The following GRIN2A variants were observed in gnomAD, a reference collection of about 807,000 sequenced individuals.
GRIN2A encodes the protein glutamate ionotropic receptor NMDA type subunit 2A, also known as glutamate receptor ionotropic, NMDA 2A.
Under a neutral mutation model 113.4 loss-of-function variants are expected in GRIN2A, and 22 were observed. The ratio of observed to expected loss-of-function variants is 0.19; its 90% CI spans 0.14 to 0.28. GRIN2A has a LOEUF of 0.28. Among genes scored for constraint, GRIN2A ranks in the 10% least tolerant of loss-of-function variants. The pLI is 1.00. For synonymous variants in GRIN2A, 827 were observed against 738.4 expected (o/e 1.12, Z -1.94); for missense variants, 1,502 against 1,887.0 (o/e 0.80, Z 3.78).
chr16:10,040,613 CACA>C (rs2047146977), intron 2 of GRIN2A, among the ~76,000 whole-genome samples: 2 of 151,814 alleles, frequency 1.3e-5, no homozygotes, highest in South Asian at 2.1e-4. Flanking sequence ...ACACCACATT[CACA>C]ACTACGCACA....
chr16:9,954,493 G>A (rs957955620), intron 2 of GRIN2A, among the ~76,000 whole-genome samples: 1 of 152,158 alleles, frequency 6.6e-6, no homozygotes, highest in South Asian at 2.1e-4. Context: ...CCAGAACAGA[G>A]CTTATTAAAA....
At chr16:10,066,344 T>A (rs1053449069) in intron 2 of GRIN2A, among the ~76,000 whole-genome samples, 3 of 152,168 alleles carry the variant, frequency 2.0e-5, no homozygotes, top group African/African-American at 7.2e-5. Context: ...ATCGTGTCCT[T>A]CTGGAAACAT....
At chr16:10,177,059 T>G (rs2050163441) in intron 2 of GRIN2A, among the ~76,000 whole-genome samples, 1 of 152,226 alleles carries the variant, frequency 6.6e-6, no homozygotes, top group Admixed American at 6.5e-5. Context: ...AGGTTGAGGC[T>G]GTAGTCATAA....
At chr16:9,919,105 G>A (rs554921057) in intron 3 of GRIN2A, among the ~76,000 whole-genome samples, 32 of 152,204 alleles carry the variant, frequency 2.1e-4, no homozygotes, top group African/African-American at 7.5e-4. Context: ...CCCGGGAGGC[G>A]GAGGTTGCAG....
intron 2 of GRIN2A, among the ~76,000 whole-genome samples, chr16:10,150,215 A>C (rs1156683510): frequency 2.0e-5 from 3 of 152,240 alleles, no homozygotes; most frequent in Non-Finnish European, 2.9e-5. Context: ...GTATGTAAAG[A>C]GGCAGCTTTT....
chr16:9,878,890 T>G (rs1442355736), intron 4 of GRIN2A, among the ~76,000 whole-genome samples: 2 of 151,646 alleles, frequency 1.3e-5, no homozygotes, highest in African/African-American at 4.8e-5. Flanking sequence ...CACACACAGT[T>G]GCACACACAC....
At chr16:10,073,145 G>C (rs1263743498) in intron 2 of GRIN2A, among the ~76,000 whole-genome samples, 1 of 151,752 alleles carries the variant, frequency 6.6e-6, no homozygotes, top group Non-Finnish European at 1.5e-5. Context: ...TAGTAGAGAT[G>C]GGGTTTCACC....
chr16:9,955,683 C>G (rs1164036188), intron 2 of GRIN2A, among the ~76,000 whole-genome samples: 3 of 152,180 alleles, frequency 2.0e-5, no homozygotes, highest in East Asian at 3.8e-4. Context: ...TTTTGTCTTA[C>G]TAATCACTAT....
chr16:10,106,835 G>A (rs2048509812), intron 2 of GRIN2A, among the ~76,000 whole-genome samples: 1 of 152,204 alleles, frequency 6.6e-6, no homozygotes, highest in Non-Finnish European at 1.5e-5. Flanking sequence ...TGAAGGGAGA[G>A]AAGGAAGGCA....
At chr16:10,049,396 G>C (rs911657461) in intron 2 of GRIN2A, among the ~76,000 whole-genome samples, 1 of 146,454 alleles carries the variant, frequency 6.8e-6, no homozygotes, top group Non-Finnish European at 1.5e-5. Flanking sequence ...TTTTTTTTTC[G>C]AGACAGAGTC....
At chr16:9,837,922 G>C (rs944872327) in intron 7 of GRIN2A, among the ~76,000 whole-genome samples, 1 of 152,198 alleles carries the variant, frequency 6.6e-6, no homozygotes, top group Non-Finnish European at 1.5e-5. Context: ...ATCAAATCCA[G>C]AGAGTGGCAA....
At chr16:9,895,665 T>C (rs1215783080) in intron 3 of GRIN2A, among the ~76,000 whole-genome samples, 4 of 152,146 alleles carry the variant, frequency 2.6e-5, no homozygotes, top group Non-Finnish European at 5.9e-5. Context: ...GGAATTTCAG[T>C]ACAAAAACTA....
At chr16:9,771,605 T>C (rs1280679977) in intron 11 of GRIN2A, among the ~76,000 whole-genome samples, 1 of 150,534 alleles carries the variant, frequency 6.6e-6, no homozygotes, top group Non-Finnish European at 1.5e-5. Context: ...GTTTGCTGTG[T>C]GTTCTGACTC....
chr16:9,919,544 G>A (rs1473722238), intron 3 of GRIN2A, among the ~76,000 whole-genome samples: 1 of 152,104 alleles, frequency 6.6e-6, no homozygotes, highest in African/African-American at 2.4e-5. Context: ...ATCTGGAAAG[G>A]CAAGTACATT....
intron 2 of GRIN2A, among the ~76,000 whole-genome samples, chr16:10,104,769 T>C (rs1010174270): frequency 2.0e-5 from 3 of 152,114 alleles, no homozygotes; most frequent in East Asian, 1.9e-4. Flanking sequence ...TTGGCTCCCA[T>C]GAACATCGTA....
At chr16:9,824,570 T>C (rs2042351704) in intron 9 of GRIN2A, among the ~76,000 whole-genome samples, 1 of 152,200 alleles carries the variant, frequency 6.6e-6, no homozygotes, top group Non-Finnish European at 1.5e-5. Flanking sequence ...GTCTCTGTGA[T>C]GGTTTCCGTG....
intron 2 of GRIN2A, among the ~76,000 whole-genome samples, chr16:9,968,280 GTATGTATGTATGTATGTA>G (rs2045598251): frequency 2.8e-5 from 2 of 72,632 alleles, no homozygotes; most frequent in Non-Finnish European, 6.5e-5. Flanking sequence ...ATGTATGTAT[GTATGTATGTATGTATGTA>G]TGTATGTATA....
chr16:9,909,374 T>G (rs145165662), intron 3 of GRIN2A, among the ~76,000 whole-genome samples: 36 of 152,246 alleles, frequency 2.4e-4, no homozygotes, highest in African/African-American at 8.2e-4. Flanking sequence ...ACAGAAAGAA[T>G]GAAAGCCAGC....
intron 10 of GRIN2A, among the ~76,000 whole-genome samples, chr16:9,799,059 T>C (rs772684566): frequency 1.1e-4 from 16 of 152,200 alleles, no homozygotes; most frequent in Non-Finnish European, 1.9e-4. Flanking sequence ...CTTCCAAATG[T>C]TTTAGTGAGT....
Sources: gnomAD v4.1 joint callset for allele counts (sites outside exome capture counted in the v4.1 genomes callset) on GRCh38, gnomAD v4.1.1 for gene constraint, MANE v1.5 for transcripts, NCBI Gene and HGNC (gene_info 2026-07-23, HGNC 2026-07-21) for gene names.